Variants in FLYWCH2 observed in about 807,000 individuals in gnomAD.
FLYWCH2 encodes FLYWCH family member 2.
Under a neutral mutation model 6.0 loss-of-function variants are expected in FLYWCH2, and 2 were observed. The ratio of observed to expected loss-of-function variants is 0.33; its 90% CI spans 0.14 to 1.04. FLYWCH2 has a LOEUF of 1.04. Ranked by LOEUF, FLYWCH2 falls within the 50% of genes least tolerant of loss-of-function variation. FLYWCH2 has a pLI of 0.45. For synonymous variants in FLYWCH2, 87 were observed against 79.3 expected (o/e 1.10, Z -0.52); for missense variants, 192 against 183.4 (o/e 1.05, Z -0.27).
intron 1 of FLYWCH2, among the ~76,000 whole-genome samples, chr16:2,891,529 G>A (rs886876475): frequency 5.9e-5 from 9 of 151,746 alleles, no homozygotes; most frequent in African/African-American, 1.2e-4. Flanking sequence ...CTCAGCCTCC[G>A]GAGTAGCCGG....
At chr16:2,894,224 A>G (rs1320220417) in intron 1 of FLYWCH2, among the ~76,000 whole-genome samples, 1 of 152,092 alleles carries the variant, frequency 6.6e-6, no homozygotes, top group Non-Finnish European at 1.5e-5. Context: ...CAACTGCTGT[A>G]TCTTGCAGGA....
intron 1 of FLYWCH2, among the ~76,000 whole-genome samples, chr16:2,893,234 CT>C (rs1175945018): frequency 3.3e-5 from 5 of 152,158 alleles, no homozygotes; most frequent in Non-Finnish European, 5.9e-5. Flanking sequence ...CCTTCAGGCC[CT>C]CTCCCTTTCC....
chr16:2,885,113 G>A (rs1323926876), intron 1 of FLYWCH2, among the ~76,000 whole-genome samples: 1 of 152,170 alleles, frequency 6.6e-6, no homozygotes, highest in Non-Finnish European at 1.5e-5. Flanking sequence ...ACGAGGTCAG[G>A]AGATCGAGAC....
chr16:2,899,272 T>C lies in FLYWCH2; in HGVS notation c.*123T>C, dbSNP rs532778417. The C allele has an allele frequency of 2.3e-3, 1,241 of 543,140 alleles. No homozygotes were observed. The highest frequency in any genetic ancestry group is 2.8e-3 in the South Asian group (93 of 33,016). 33.6% of individuals were successfully genotyped at this position (543,140 alleles called of 1,614,324 possible). On this transcript the variant is annotated 3_prime_UTR_variant, in exon 4 of 4. Coordinates refer to ENST00000396958, the MANE Select transcript of FLYWCH2 (RefSeq NM_138439.3). ...TAACATTGTGTGATTTCTTTTCTTT[T>C]TTTTTTTTTTTTTAGATCAAGTATA...
chr16:2,899,274 T>TTTC lies in FLYWCH2; in HGVS notation c.*127_*128insCTT. ...ACATTGTGTGATTTCTTTTCTTTTT[T>TTTC]TTTTTTTTTTTAGATCAAGTATAAG... On this transcript the variant is annotated 3_prime_UTR_variant, in exon 4 of 4. Transcript: ENST00000396958. 2 of 575,456 alleles carry TTTC rather than the reference T, an allele frequency of 3.5e-6. No homozygotes were observed. Among genetic ancestry groups the TTTC allele is most frequent in the East Asian group, 6.6e-5 (2 of 30,230 alleles). 35.6% of individuals were successfully genotyped at this position (575,456 alleles called of 1,614,324 possible).
chr16:2,888,136 G>C lies in FLYWCH2; in HGVS notation c.-200+4770G>C, dbSNP rs534835512. ...CAATTCTCCTGCCTCAGCCTTCCGAGTAGCTGTGACTATAGTTGCATGCCG... is the reference window on the plus strand; with the variant it reads ...CAATTCTCCTGCCTCAGCCTTCCGACTAGCTGTGACTATAGTTGCATGCCG... On this transcript the variant is annotated intron_variant, in intron 1 of 3. Coordinates refer to ENST00000396958, the MANE Select transcript of FLYWCH2 (RefSeq NM_138439.3). Among the ~76,000 whole-genome samples the C allele has an allele frequency of 7.2e-5, 11 of 152,080 alleles. No individual in the cohort carries two copies. In the East Asian group the frequency reaches 1.7e-3, roughly 24 times the overall value.
At position 2,884,558 on chromosome 16, in the gene FLYWCH2, TA is replaced by T. The variant is rs1317315836; in HGVS notation, c.-200+1211del. Among the ~76,000 whole-genome samples the T allele has an allele frequency of 7.6e-4, 30 of 39,288 alleles. 3 individuals carry two copies. Among genetic ancestry groups the T allele is most frequent in the Non-Finnish European group, 9.2e-4 (19 of 20,686 alleles). 25.8% of individuals were successfully genotyped at this position (39,288 alleles called of 152,430 possible). On this transcript the variant is annotated intron_variant, in intron 1 of 3. Coordinates refer to ENST00000396958, the MANE Select transcript of FLYWCH2 (RefSeq NM_138439.3). ...TAACATGGTGAAACCCCGTCTCTAC[TA>T]AAAAAAAAAAAAAAAAAATACAAAA...
chr16:2,883,748 G>A (rs1030826305), intron 1 of FLYWCH2, among the ~76,000 whole-genome samples: 1 of 152,266 alleles, frequency 6.6e-6, no homozygotes, highest in Admixed American at 6.5e-5. Flanking sequence ...GAGATACTGG[G>A]GCGGGGGAGA....
Position 2,892,548 on chromosome 16 carries a change from A to G in FLYWCH2, c.-199-2672A>G, listed in dbSNP as rs142338499. 4.1e-4 allele frequency among the ~76,000 whole-genome samples: 61 copies of G among 150,268 alleles called. 1 individual carries two copies. Among genetic ancestry groups the G allele is most frequent in the African/African-American group, 1.3e-3 (53 of 41,046 alleles). ...TACCATTTTATTATAAAGGAGACAGATGAAAATATAAATGCAGTCGGGCAC... is the reference window on the plus strand; with the variant it reads ...TACCATTTTATTATAAAGGAGACAGGTGAAAATATAAATGCAGTCGGGCAC... On this transcript the variant is annotated intron_variant, in intron 1 of 3. Coordinates refer to ENST00000396958, the MANE Select transcript of FLYWCH2 (RefSeq NM_138439.3).
In FLYWCH2 at chr16:2,893,723, C is replaced by T. The variant is rs373579715; in HGVS notation, c.-199-1497C>T. On this transcript the variant is annotated intron_variant, in intron 1 of 3. Coordinates refer to ENST00000396958, the MANE Select transcript of FLYWCH2 (RefSeq NM_138439.3). ...CACGATCTCGGCTCACTGCAAGCTC[C>T]GCCTCCCAGGTTCACGCCATTCTCC... Among the ~76,000 whole-genome samples, 5 of 150,962 alleles carry T rather than the reference C, an allele frequency of 3.3e-5. No individual in the cohort carries two copies. In the East Asian group the frequency reaches 5.9e-4, roughly 18 times the overall value.
Position 2,896,605 on chromosome 16 carries a change from C to T in FLYWCH2, c.156C>T (p.Thr52=). The change falls in exon 3 of 4, where the codon ACC becomes ACT. Residue 52 remains threonine (T), a synonymous_variant. Transcript: ENST00000396958. ...TGCTCACAGCCTCCAAAGACAGCAC[C>T]AAGGTGGCGGGGGCCAAGCGCAAGG... ...LVLLTASKDS[T]KVAGAKRKGV... is the part of the protein sequence containing the mutation. 1.9e-6 allele frequency: 3 copies of T among 1,614,140 alleles called. No individual in the cohort carries two copies. The highest frequency in any genetic ancestry group is 2.5e-6 in the Non-Finnish European group (3 of 1,180,016).
intron 1 of FLYWCH2, among the ~76,000 whole-genome samples, chr16:2,884,691 A>G (rs1038837000): frequency 4.0e-5 from 6 of 151,440 alleles, no homozygotes; most frequent in South Asian, 2.1e-4. Flanking sequence ...CCTGACCAAC[A>G]TGGAGAAACC....
At chr16:2,887,348 A>G (rs567736097) in intron 1 of FLYWCH2, among the ~76,000 whole-genome samples, 68 of 131,378 alleles carry the variant, frequency 5.2e-4, no homozygotes, top group Admixed American at 1.7e-3. Context: ...TTTAGTAGAG[A>G]TGAGGTCTCG....
intron 1 of FLYWCH2, among the ~76,000 whole-genome samples, chr16:2,883,587 C>CA (rs922821125): frequency 1.3e-5 from 2 of 152,180 alleles, no homozygotes; most frequent in Admixed American, 1.3e-4. Context: ...TCAACACCCC[C>CA]ACACGAAGGA....
At chr16:2,888,369 A>G (rs2069721565) in intron 1 of FLYWCH2, among the ~76,000 whole-genome samples, 1 of 145,750 alleles carries the variant, frequency 6.9e-6, no homozygotes, top group Middle Eastern at 3.8e-3. Context: ...GTGATAATAT[A>G]TTTTGAGATA....
At position 2,896,497 on chromosome 16, in the gene FLYWCH2, C is replaced by T; in HGVS notation, c.48C>T (p.Ala16=). Residue 16 remains alanine (A), a synonymous_variant, in exon 3 of 4, where the codon GCC becomes GCT. Transcript: ENST00000396958. ...PSEQEGESVK[A]SQEPSPKPGT... is the part of the protein sequence containing the mutation. ...AGCAGGAGGGTGAGAGTGTGAAGGC[C>T]AGCCAGGAGCCATCCCCCAAGCCAG... 6.2e-7 allele frequency: 1 copy of T among 1,614,016 alleles called. No homozygotes were observed. The highest frequency in any genetic ancestry group is 8.5e-7 in the Non-Finnish European group (1 of 1,179,960).
chr16:2,887,428 T>C (rs2069711659), intron 1 of FLYWCH2, among the ~76,000 whole-genome samples: 1 of 151,482 alleles, frequency 6.6e-6, no homozygotes, highest in African/African-American at 2.4e-5. Flanking sequence ...CCCAAAGTGC[T>C]AGGTTTATAG....
At chr16:2,886,104 T>G (rs2150842498) in intron 1 of FLYWCH2, among the ~76,000 whole-genome samples, 1 of 152,320 alleles carries the variant, frequency 6.6e-6, no homozygotes, top group Middle Eastern at 3.4e-3. Context: ...GTTGAGCATC[T>G]TCTCATATAT....
At chr16:2,887,112 T>C (rs2069706727) in intron 1 of FLYWCH2, among the ~76,000 whole-genome samples, 1 of 152,084 alleles carries the variant, frequency 6.6e-6, no homozygotes, top group African/African-American at 2.4e-5. Context: ...AAAAAAGTTT[T>C]ATTACTGTAG....
Sources: gnomAD v4.1 joint callset for allele counts (sites outside exome capture counted in the v4.1 genomes callset) on GRCh38, gnomAD v4.1.1 for gene constraint, MANE v1.5 for transcripts, NCBI Gene and HGNC (gene_info 2026-07-23, HGNC 2026-07-21) for gene names.